The following USP4 variants were observed in gnomAD, a reference collection of about 807,000 sequenced individuals.
USP4 encodes the protein ubiquitin carboxyl-terminal hydrolase 4.
Under a neutral mutation model 118.2 loss-of-function variants are expected in USP4, and 72 were observed. That is an observed-to-expected ratio of 0.61 (90% CI 0.50 to 0.74). The LOEUF is 0.74. Ranked by LOEUF, USP4 falls within the 30% of genes least tolerant of loss-of-function variation. The pLI, the probability that USP4 is intolerant of heterozygous loss-of-function variation, is 0.00. For synonymous variants in USP4, 415 were observed against 440.4 expected, an observed-to-expected ratio of 0.94 and a Z score of 0.72; for missense variants, 1,037 against 1,185.7, an observed-to-expected ratio of 0.87 and a Z score of 1.84.
rs564751402 is a variant in USP4 at position 49,317,289 on chromosome 3, G to A, written c.696-5635C>T. The A allele has an allele frequency of 5.6e-4, 845 of 1,498,844 alleles. 2 individuals are homozygous for A. The African/African-American group carries it at 6.3e-3, about 11-fold the overall frequency. 92.8% of individuals were successfully genotyped at this position (1,498,844 alleles called of 1,614,324 possible). A position where few individuals can be genotyped will look rare whatever the true frequency, so the allele number is the denominator to read the frequency against. On this transcript the variant is annotated intron_variant, in intron 6 of 21. Coordinates refer to ENST00000265560, the MANE Select transcript of USP4 (RefSeq NM_003363.4). The stretch of plus-strand genomic sequence containing the variant: ...TCTCGTTGACGCGGGCCAGCTTCTC[G>A]TTGACGCAGGCCAGCTTCTCTGTCA...
At chr3:49,290,441 C>A (rs1328049245) in intron 15 of USP4, among the ~76,000 whole-genome samples, 1 of 152,166 alleles carries the variant, frequency 6.6e-6, no homozygotes, top group Non-Finnish European at 1.5e-5. Flanking sequence ...AAAGTCAGTT[C>A]TCACTTTCTA....
At chr3:49,326,194 G>A (rs1402506819) in intron 3 of USP4, among the ~76,000 whole-genome samples, 2 of 152,012 alleles carry the variant, frequency 1.3e-5, no homozygotes, top group East Asian at 2.0e-4. Context: ...GCATGTGCCT[G>A]TAATCCCAAC....
At position 49,298,128 on chromosome 3, in the gene USP4, G is replaced by T. The variant is rs188833594; in HGVS notation, c.1597-164C>A. Reference sequence around the variant, plus strand: ...CAGAGAGCTGAGGGCCAAGGCCCAAGGGGGAGCAGCATGGCTGCCATCAGA... The same window carrying T: ...CAGAGAGCTGAGGGCCAAGGCCCAATGGGGAGCAGCATGGCTGCCATCAGA... On this transcript the variant is annotated intron_variant, in intron 12 of 21. Transcript: ENST00000265560. Among the ~76,000 whole-genome samples the T allele has an allele frequency of 4.6e-5, 7 of 152,330 alleles. No homozygotes were observed. The East Asian group carries it at 1.2e-3, about 25-fold the overall frequency.
At position 49,283,236 on chromosome 3, in the gene USP4, G is replaced by A. The variant is rs548330184; in HGVS notation, c.2540+751C>T. Among the ~76,000 whole-genome samples, 1,172 of 151,412 alleles carry A rather than the reference G, an allele frequency of 7.7e-3. 17 individuals are homozygous for A. Among genetic ancestry groups the A allele is most frequent in the African/African-American group, 0.026 (1,080 of 41,184 alleles). On this transcript the variant is annotated intron_variant, in intron 19 of 21. Transcript: ENST00000265560. ...TCACCATGTTGGCCAGGATGGTCTC[G>A]ATCTCCAGACCTTGTGATCTGCCCA... is the stretch of plus-strand genomic sequence containing the variant.
intron 2 of USP4, among the ~76,000 whole-genome samples, chr3:49,331,684 C>A (rs773546663): frequency 6.6e-6 from 1 of 152,094 alleles, no homozygotes; most frequent in Non-Finnish European, 1.5e-5. Context: ...TGCTATCATG[C>A]AGGCTTTGTT....
intron 19 of USP4, among the ~76,000 whole-genome samples, 171 bp from the exon 20 acceptor site, chr3:49,281,018 CAT>C (rs1361833401): frequency 6.6e-6 from 1 of 152,160 alleles, no homozygotes; most frequent in African/African-American, 2.4e-5. Flanking sequence ...TGACCACTGA[CAT>C]ATTCAGGCTA....
chr3:49,297,775 A>C, intron 13 of USP4, 95 bp downstream of exon 13: 1 of 1,036,184 alleles, frequency 9.7e-7, no homozygotes, highest in Non-Finnish European at 1.5e-6. Context: ...ATGAGCAATG[A>C]CTGCCCACAT....
At chr3:49,317,976 C>T (rs2047458594) in intron 6 of USP4, among the ~76,000 whole-genome samples, 1 of 152,026 alleles carries the variant, frequency 6.6e-6, no homozygotes. Context: ...GCTGGGATTA[C>T]AGGCACACGC....
intron 2 of USP4, among the ~76,000 whole-genome samples, chr3:49,334,441 G>GA (rs2047649034): frequency 6.6e-6 from 1 of 152,158 alleles, no homozygotes; most frequent in South Asian, 2.1e-4. Flanking sequence ...GGTCTGAGCT[G>GA]AAGCATTGCT....
At chr3:49,289,102 G>T (rs914997632) in intron 15 of USP4, among the ~76,000 whole-genome samples, 5 of 151,880 alleles carry the variant, frequency 3.3e-5, no homozygotes, top group African/African-American at 1.2e-4. Flanking sequence ...CAGAGCAAAA[G>T]AAAACAAACA....
chr3:49,297,025 A>G (rs897656382), intron 13 of USP4, among the ~76,000 whole-genome samples: 2 of 152,258 alleles, frequency 1.3e-5, no homozygotes, highest in African/African-American at 4.8e-5. Context: ...GAGATCTAGA[A>G]GTCATAGGCC....
At chr3:49,302,765 G>C (rs12498085) in intron 9 of USP4, among the ~76,000 whole-genome samples, 2 of 152,072 alleles carry the variant, frequency 1.3e-5, no homozygotes, top group African/African-American at 4.8e-5. Context: ...CTGGAACCTG[G>C]GCCACTGCCC....
intron 15 of USP4, among the ~76,000 whole-genome samples, chr3:49,291,703 G>A (rs2047153136): frequency 6.6e-6 from 1 of 152,058 alleles, no homozygotes; most frequent in African/African-American, 2.4e-5. Flanking sequence ...GACATGTCAG[G>A]TGGGGTGGCT....
chr3:49,331,969 C>CAAA (rs35594824), intron 2 of USP4, among the ~76,000 whole-genome samples: 2 of 105,870 alleles, frequency 1.9e-5, no homozygotes, highest in Admixed American at 9.9e-5. Flanking sequence ...CCCATCTCTA[C>CAAA]AAAAAAAAAA....
intron 6 of USP4, among the ~76,000 whole-genome samples, chr3:49,321,337 A>G (rs2047498090): frequency 6.6e-6 from 1 of 151,982 alleles, no homozygotes; most frequent in Non-Finnish European, 1.5e-5. Flanking sequence ...CACCTTTCTC[A>G]TCCTCAAGAA....
intron 12 of USP4, 46 bp from the exon 13 acceptor site, chr3:49,298,010 C>T: frequency 8.1e-7 from 1 of 1,233,918 alleles, no homozygotes; most frequent in South Asian, 1.2e-5. Flanking sequence ...GCTAAGAGTG[C>T]CCCTACTAAC....
intron 6 of USP4, among the ~76,000 whole-genome samples, chr3:49,319,525 C>T (rs752327842): frequency 4.6e-5 from 7 of 152,266 alleles, no homozygotes; most frequent in African/African-American, 7.2e-5. Context: ...GCTGGGATTA[C>T]AGGCATAAGC....
Position 49,305,831 on chromosome 3 carries a change from C to A in USP4, c.1012G>T (p.Glu338Ter). The A allele has an allele frequency of 6.2e-7, 1 of 1,614,116 alleles. No individual in the cohort carries two copies. Among genetic ancestry groups the A allele is most frequent in the Non-Finnish European group, 8.5e-7 (1 of 1,180,024 alleles). Residue 338 changes from glutamate to a stop codon, truncating the protein, a stop_gained, in exon 9 of 22, where the codon GAA becomes TAA. Transcript: ENST00000265560. LOFTEE classifies it high-confidence loss of function. ...CCCAGAGGGTTGTCTCTGTTGATTT[C>A]GGCTTCATACTCATCTTTGAGAAAG... ...DYFLKDEYEA[E>*]INRDNPLGMK...
intron 2 of USP4, among the ~76,000 whole-genome samples, chr3:49,333,576 T>C (rs932619927): frequency 2.0e-5 from 3 of 152,166 alleles, no homozygotes; most frequent in African/African-American, 7.2e-5. Flanking sequence ...AGTGGCCGAA[T>C]TTCAGTGTCA....
Sources: allele counts gnomAD v4.1 joint callset (sites outside exome capture counted in the v4.1 genomes callset), GRCh38; gene constraint gnomAD v4.1.1; transcripts MANE v1.5; gene names NCBI Gene and HGNC (gene_info 2026-07-23, HGNC 2026-07-21).